The following DNAH3 variants were observed in gnomAD, a reference collection of about 807,000 sequenced individuals.
The protein encoded by DNAH3 is dynein axonemal heavy chain 3, also known as axonemal beta dynein heavy chain 3.
Under a neutral mutation model 432.5 loss-of-function variants are expected in DNAH3, and 332 were observed. That is an observed-to-expected ratio of 0.77 (90% CI 0.70 to 0.84). The LOEUF is 0.84. Ranked by LOEUF, DNAH3 falls within the 40% of genes least tolerant of loss-of-function variation. The probability of loss-of-function intolerance (pLI) is 0.00; values close to 1 mark genes in which losing one functional copy is unlikely to be tolerated. For synonymous variants in DNAH3, 1,956 were observed against 1,900.2 expected, an observed-to-expected ratio of 1.03 and a Z score of -0.76; for missense variants, 4,861 against 5,114.0, an observed-to-expected ratio of 0.95 and a Z score of 1.51.
chr16:20,969,862 T>C, exon 52 of DNAH3: 1 of 1,614,166 alleles, frequency 6.2e-7, no homozygotes, highest in Non-Finnish European at 8.5e-7. Flanking sequence ...CCATGACCAG[T>C]TTGACAGGGC....
At position 20,935,557 on chromosome 16, in the gene DNAH3, C is replaced by T. The variant is rs980487294; in HGVS notation, c.11860-72G>A. 2.7e-5 allele frequency: 41 copies of T among 1,507,092 alleles called. 1 individual carries two copies. Among genetic ancestry groups the T allele is most frequent in the East Asian group, 2.5e-4 (11 of 43,182 alleles). 93.4% of individuals were successfully genotyped at this position (1,507,092 alleles called of 1,614,324 possible). ...GATAGTTCAAATGCAAGTAATGTAA[C>T]GAGTACCATATAAAATATGTTTTTT... On this transcript the variant is annotated intron_variant, in intron 60 of 61. Coordinates refer to ENST00000261383, the Ensembl canonical transcript of DNAH3.
At position 21,127,704 on chromosome 16, in the gene DNAH3, G is replaced by T. The variant is rs776729942; in HGVS notation, c.1191C>A (p.His397Gln). ...ATACTGACTTGTTGAGAAGAGTCTG[G>T]TGTGCCTCCAGGCAGTGTTTCTGGA... is the stretch of plus-strand genomic sequence containing the variant. The change falls in exon 8 of 62, where the codon CAC (histidine) becomes CAA (glutamine). Residue 397 changes from histidine (H) to glutamine (Q), a missense_variant. Coordinates refer to ENST00000261383, the Ensembl canonical transcript of DNAH3. The T allele has an allele frequency of 4.3e-6, 7 of 1,613,988 alleles. No homozygotes were observed. The African/African-American group carries it at 8.0e-5, about 18-fold the overall frequency.
chr16:20,936,699 G>C, exon 60 of DNAH3: 1 of 1,608,240 alleles, frequency 6.2e-7, no homozygotes, highest in South Asian at 1.1e-5. Flanking sequence ...CCCCCCAGAG[G>C]CTTCAGTGAT....
intron 1 of DNAH3, among the ~76,000 whole-genome samples, chr16:21,149,575 A>T (rs183382857): frequency 6.6e-6 from 1 of 152,328 alleles, no homozygotes; most frequent in African/African-American, 2.4e-5. Flanking sequence ...CTCTGGTCTT[A>T]GATAAAAATA....
chr16:20,969,788 T>TA lies in DNAH3; in HGVS notation c.8458+3_8458+4insT, dbSNP rs767405350. 6 of 1,613,966 alleles carry TA rather than the reference T, an allele frequency of 3.7e-6. No homozygotes were observed. The African/African-American group carries it at 8.0e-5, about 22-fold the overall frequency. ...TGCAGGCATCTGGGTGGGGTGGCAC[T>TA]TACCGGAGCCACTGGGGTCTGGCTT... On this transcript the variant is annotated splice_donor_region_variant and intron_variant, in intron 52 of 61. Coordinates refer to ENST00000261383, the Ensembl canonical transcript of DNAH3.
intron 34 of DNAH3, among the ~76,000 whole-genome samples, 164 bp from the exon 35 acceptor site, chr16:21,037,012 T>C (rs1349988592): frequency 2.6e-5 from 4 of 152,214 alleles, no homozygotes; most frequent in African/African-American, 9.6e-5. Context: ...GAAAATGCTA[T>C]TTATAAAACA....
At chr16:21,087,553 A>G (rs1482857308) in intron 18 of DNAH3, among the ~76,000 whole-genome samples, 1 of 152,114 alleles carries the variant, frequency 6.6e-6, no homozygotes, top group Non-Finnish European at 1.5e-5. Context: ...AAAGAAAAAA[A>G]TTGTTATTAT....
intron 44 of DNAH3, 32 bp from the exon 45 acceptor site, chr16:20,988,097 T>C (rs2086297666): frequency 3.1e-6 from 5 of 1,612,104 alleles, no homozygotes; most frequent in East Asian, 2.2e-5. Context: ...TGAATCATCC[T>C]GGAAAACACA....
chr16:21,085,213 T>C (rs1597344834), intron 19 of DNAH3, among the ~76,000 whole-genome samples: 1 of 151,406 alleles, frequency 6.6e-6, no homozygotes, highest in African/African-American at 2.4e-5. Context: ...ACCCCCCCCA[T>C]CTCTATTTTA....
chr16:21,131,002 C>G (rs2092545375), intron 7 of DNAH3, among the ~76,000 whole-genome samples: 1 of 152,072 alleles, frequency 6.6e-6, no homozygotes, highest in African/African-American at 2.4e-5. Context: ...GCTAACAACT[C>G]CAGGAGGTAG....
intron 43 of DNAH3, among the ~76,000 whole-genome samples, chr16:20,999,736 G>A (rs1287579715): frequency 1.3e-5 from 2 of 152,158 alleles, no homozygotes; most frequent in Non-Finnish European, 2.9e-5. Context: ...CCGAAGTGAG[G>A]AAACGCTTTG....
At chr16:20,950,137 T>C (rs1021182800) in intron 56 of DNAH3, among the ~76,000 whole-genome samples, 1 of 152,180 alleles carries the variant, frequency 6.6e-6, no homozygotes, top group Non-Finnish European at 1.5e-5. Flanking sequence ...TGCAAGCCAC[T>C]GTGTCCAGCT....
chr16:21,122,069 A>G, exon 10 of DNAH3: 1 of 1,613,912 alleles, frequency 6.2e-7, no homozygotes, highest in Non-Finnish European at 8.5e-7. Context: ...GATCATGATT[A>G]GCTGAGGTAT....
At chr16:21,133,992 C>T (rs773858402) in intron 7 of DNAH3, among the ~76,000 whole-genome samples, 4 of 152,196 alleles carry the variant, frequency 2.6e-5, no homozygotes, top group Non-Finnish European at 4.4e-5. Context: ...TAGACCTGAG[C>T]AGGCTGGCTC....
intron 51 of DNAH3, among the ~76,000 whole-genome samples, chr16:20,973,475 A>G (rs187360603): frequency 6.6e-6 from 1 of 152,198 alleles, no homozygotes; most frequent in East Asian, 1.9e-4. Context: ...CTGTTCTCAA[A>G]CACCTGACCT....
intron 32 of DNAH3, among the ~76,000 whole-genome samples, chr16:21,041,141 C>A (rs1190231443): frequency 6.6e-6 from 1 of 152,130 alleles, no homozygotes; most frequent in African/African-American, 2.4e-5. Flanking sequence ...GAGGCCGAGG[C>A]AGGCAAATTG....
intron 24 of DNAH3, among the ~76,000 whole-genome samples, chr16:21,064,987 T>G (rs1443403408): frequency 6.6e-6 from 1 of 151,978 alleles, no homozygotes; most frequent in Non-Finnish European, 1.5e-5. Flanking sequence ...TCTAGCTTGA[T>G]CATTTTACCA....
intron 52 of DNAH3, among the ~76,000 whole-genome samples, chr16:20,967,178 T>C (rs1470539548): frequency 6.6e-6 from 1 of 152,204 alleles, no homozygotes; most frequent in Non-Finnish European, 1.5e-5. Flanking sequence ...TTCTAGAAAA[T>C]GATCTGCTTC....
chr16:21,040,358 A>ATTTTTTTTTTTTTTTTTTTTTT lies in DNAH3; in HGVS notation c.4639-437_4639-416dup, dbSNP rs55797285. Among the ~76,000 whole-genome samples the ATTTTTTTTTTTTTTTTTTTTTT allele has an allele frequency of 6.3e-5, 5 of 79,712 alleles. 1 individual carries two copies. Among genetic ancestry groups the ATTTTTTTTTTTTTTTTTTTTTT allele is most frequent in the African/African-American group, 2.8e-4 (5 of 17,726 alleles). 52.3% of individuals were successfully genotyped at this position (79,712 alleles called of 152,430 possible). ...TCAGAAGAATCCCAAAGCCAGACAG[A>ATTTTTTTTTTTTTTTTTTTTTT]TTTTTTTTTTTTTTTTTTTTTTTTT... On this transcript the variant is annotated intron_variant, in intron 32 of 61. Transcript: ENST00000261383.
Sources: allele counts gnomAD v4.1 joint callset (sites outside exome capture counted in the v4.1 genomes callset), GRCh38; gene constraint gnomAD v4.1.1; transcripts MANE v1.5; gene names NCBI Gene and HGNC (gene_info 2026-07-23, HGNC 2026-07-21).